KHDRBS3: variants seen among roughly 807,000 people sequenced by gnomAD.
KHDRBS3 encodes the protein KH domain-containing, RNA-binding, signal transduction-associated protein 3.
KHDRBS3 carries 23 observed loss-of-function variants against 45.6 expected under a neutral mutation model. The ratio of observed to expected loss-of-function variants is 0.50; its 90% CI spans 0.36 to 0.72. The LOEUF (loss-of-function observed/expected upper bound fraction) is 0.72, where lower values mean the gene tolerates loss of function less well. KHDRBS3 is among the 30% of genes least tolerant of loss of function. The pLI, the probability that KHDRBS3 is intolerant of heterozygous loss-of-function variation, is 0.00. For synonymous variants in KHDRBS3, 162 were observed against 156.5 expected (o/e 1.04, Z -0.26); for missense variants, 352 against 424.8 (o/e 0.83, Z 1.51).
chr8:135,489,269 A>G (rs2130398388), intron 1 of KHDRBS3, among the ~76,000 whole-genome samples: 1 of 152,344 alleles, frequency 6.6e-6, no homozygotes, highest in South Asian at 2.1e-4. Flanking sequence ...TTCTAAATTT[A>G]CCACCGTATC....
chr8:135,481,706 T>C (rs1822587867), intron 1 of KHDRBS3, among the ~76,000 whole-genome samples: 1 of 152,202 alleles, frequency 6.6e-6, no homozygotes, highest in Admixed American at 6.5e-5. Context: ...CATCGTCGAC[T>C]AACGTTGTCA....
intron 6 of KHDRBS3, among the ~76,000 whole-genome samples, chr8:135,600,124 C>T (rs1829143008): frequency 6.6e-6 from 1 of 152,186 alleles, no homozygotes; most frequent in Non-Finnish European, 1.5e-5. Context: ...GAGGGCAGAA[C>T]TGTGAGAGGC....
intron 7 of KHDRBS3, among the ~76,000 whole-genome samples, chr8:135,623,408 T>C (rs1248101017): frequency 6.6e-6 from 1 of 152,212 alleles, no homozygotes; most frequent in African/African-American, 2.4e-5. Flanking sequence ...GTAAACCTTA[T>C]GAAACCTTAC....
intron 4 of KHDRBS3, among the ~76,000 whole-genome samples, 186 bp from the exon 5 acceptor site, chr8:135,557,262 G>GT (rs1271406878): frequency 6.6e-6 from 1 of 152,000 alleles, no homozygotes; most frequent in Non-Finnish European, 1.5e-5. Context: ...AAATGCTGTA[G>GT]TTTTTTTCTT....
intron 2 of KHDRBS3, among the ~76,000 whole-genome samples, chr8:135,534,211 T>A (rs1171618893): frequency 8.6e-6 from 1 of 115,662 alleles, no homozygotes; most frequent in Non-Finnish European, 1.9e-5. Flanking sequence ...ACAATTCTTC[T>A]CAGGTGTTTT....
In KHDRBS3 at chr8:135,601,306, A is replaced by G. The variant is rs75979290; in HGVS notation, c.808-5649A>G. Among the ~76,000 whole-genome samples the G allele has an allele frequency of 8.2e-3, 1,244 of 152,358 alleles. 14 individuals are homozygous for G. The highest frequency in any genetic ancestry group is 9.6e-3 in the Non-Finnish European group (651 of 68,026). On this transcript the variant is annotated intron_variant, in intron 6 of 8. Coordinates refer to ENST00000355849, the MANE Select transcript of KHDRBS3 (RefSeq NM_006558.3). ...AATCCATATTCAGAAAGGTAGGTGA[A>G]GCAAAAAGCAAGGCATATTGTATGC...
chr8:135,605,742 C>A (rs1829430334), intron 6 of KHDRBS3, among the ~76,000 whole-genome samples: 1 of 152,028 alleles, frequency 6.6e-6, no homozygotes, highest in Admixed American at 6.5e-5. Context: ...AGTAAGTGAA[C>A]CCACACAATT....
At chr8:135,652,620 A>C (rs1194460896) in intron 4 of KHDRBS3, among the ~76,000 whole-genome samples, 2 of 152,000 alleles carry the variant, frequency 1.3e-5, no homozygotes, top group African/African-American at 4.8e-5. Flanking sequence ...AATGAACACA[A>C]CTCTTACCCA....
At chr8:135,593,716 A>G (rs1008979774) in intron 6 of KHDRBS3, among the ~76,000 whole-genome samples, 2 of 152,110 alleles carry the variant, frequency 1.3e-5, no homozygotes, top group Non-Finnish European at 2.9e-5. Flanking sequence ...GGCCTCAAGC[A>G]ACCCTCCTGC....
At chr8:135,557,673 G>A (rs1826958210) in intron 5 of KHDRBS3, 86 bp downstream of exon 5, 3 of 990,806 alleles carry the variant, frequency 3.0e-6, no homozygotes, top group Non-Finnish European at 4.7e-6. Context: ...AGTTCTATCT[G>A]AACAAAACTT....
At chr8:135,621,243 T>C (rs184572558) in intron 7 of KHDRBS3, among the ~76,000 whole-genome samples, 6 of 152,306 alleles carry the variant, frequency 3.9e-5, no homozygotes, top group Admixed American at 3.9e-4. Flanking sequence ...ATAATTCTGA[T>C]AAGCAGCCAA....
chr8:135,459,791 G>A lies in KHDRBS3; in HGVS notation c.88+1837G>A, dbSNP rs1303400453. Among the ~76,000 whole-genome samples, 3 of 152,178 alleles carry A rather than the reference G, an allele frequency of 2.0e-5. No individual in the cohort carries two copies. In the East Asian group the frequency reaches 5.8e-4, roughly 29 times the overall value. On this transcript the variant is annotated intron_variant, in intron 1 of 8. Coordinates refer to ENST00000355849, the MANE Select transcript of KHDRBS3 (RefSeq NM_006558.3). The stretch of plus-strand genomic sequence containing the variant: ...CGTCCAAAATTCTTTTGGATTCTGT[G>A]TTTTTACCAGTGTTAATGGCTTCCA...
downstream of KHDRBS3, chr8:135,647,892 T>C (rs186958178): frequency 2.6e-5 from 4 of 152,346 alleles, no homozygotes; most frequent in East Asian, 7.7e-4. Context: ...GGTTTTAAAA[T>C]AACTACTGGA....
intron 5 of KHDRBS3, among the ~76,000 whole-genome samples, chr8:135,578,593 G>A (rs117593775): frequency 4.4e-4 from 67 of 151,970 alleles, no homozygotes; most frequent in Non-Finnish European, 5.0e-4. Flanking sequence ...CTTTTCTTTC[G>A]CAAATACCGC....
chr8:135,557,590 A>G lies in KHDRBS3; in HGVS notation c.611+3A>G, dbSNP rs769802048. On this transcript the variant is annotated splice_donor_region_variant and intron_variant, in intron 5 of 8. Coordinates refer to ENST00000355849, the MANE Select transcript of KHDRBS3 (RefSeq NM_006558.3). ...GTACCAGCCCCAGCAATAACCAGGTAGGTGTAAATTTTTTTTTAGGTTAAC... is the reference window on the plus strand; with the variant it reads ...GTACCAGCCCCAGCAATAACCAGGTGGGTGTAAATTTTTTTTTAGGTTAAC... The G allele has an allele frequency of 5.3e-5, 85 of 1,608,564 alleles. 2 individuals carry two copies. In the South Asian group the frequency reaches 8.9e-4, roughly 17 times the overall value.
intron 5 of KHDRBS3, among the ~76,000 whole-genome samples, chr8:135,573,140 C>G (rs762714025): frequency 7.2e-5 from 11 of 152,148 alleles, no homozygotes; most frequent in Admixed American, 3.3e-4. Context: ...AGCATGGGTC[C>G]TGCTGCATCT....
At chr8:135,546,468 A>G (rs142772981) in intron 3 of KHDRBS3, among the ~76,000 whole-genome samples, 509 of 152,330 alleles carry the variant, frequency 3.3e-3, no homozygotes, top group Admixed American at 7.7e-3. Flanking sequence ...AATAATCATG[A>G]CAGTGCTCCG....
intron 6 of KHDRBS3, among the ~76,000 whole-genome samples, chr8:135,597,031 A>G (rs1829002282): frequency 6.6e-6 from 1 of 152,184 alleles, no homozygotes; most frequent in South Asian, 2.1e-4. Context: ...TTAATAAACT[A>G]TAATAATTAG....
chr8:135,599,997 C>A (rs1259367431), intron 6 of KHDRBS3, among the ~76,000 whole-genome samples: 2 of 142,984 alleles, frequency 1.4e-5, no homozygotes, highest in African/African-American at 5.1e-5. Flanking sequence ...CAGGCACCTC[C>A]CTCACAGCAC....
Sources: allele counts gnomAD v4.1 joint callset (sites outside exome capture counted in the v4.1 genomes callset), GRCh38; gene constraint gnomAD v4.1.1; transcripts MANE v1.5; gene names NCBI Gene and HGNC (gene_info 2026-07-23, HGNC 2026-07-21).